The following PDE7A variants were observed in gnomAD, a reference collection of about 807,000 sequenced individuals.
PDE7A encodes phosphodiesterase 7A, also known as high affinity 3',5'-cyclic-AMP phosphodiesterase 7A.
In PDE7A, 39 loss-of-function variants were observed where a neutral mutation model predicts 64.3. The observed-to-expected ratio is 0.61, with a 90% CI of 0.47 to 0.79. The LOEUF (loss-of-function observed/expected upper bound fraction) is 0.79. Ranked by LOEUF, PDE7A falls within the 30% of genes least tolerant of loss-of-function variation. The pLI is 0.00. For missense variants in PDE7A, 470 were observed against 582.8 expected (o/e 0.81, Z 1.99); for synonymous variants, 203 against 206.8 (o/e 0.98, Z 0.16).
chr8:65,791,045 C>T (rs191878810), intron 1 of PDE7A, among the ~76,000 whole-genome samples: 9 of 152,338 alleles, frequency 5.9e-5, no homozygotes, highest in Middle Eastern at 3.4e-3. Flanking sequence ...CCCTTCCCAC[C>T]TTCACATTTC....
intron 1 of PDE7A, among the ~76,000 whole-genome samples, chr8:65,818,927 C>G (rs1027247136): frequency 6.6e-6 from 1 of 152,220 alleles, no homozygotes; most frequent in African/African-American, 2.4e-5. Context: ...TTCTCACTGG[C>G]AGTACCTTCA....
intron 5 of PDE7A, among the ~76,000 whole-genome samples, chr8:65,744,484 A>C (rs1807583215): frequency 6.6e-6 from 1 of 152,186 alleles, no homozygotes; most frequent in African/African-American, 2.4e-5. Flanking sequence ...GAGAATAAGA[A>C]AACATGACCC....
intron 3 of PDE7A, among the ~76,000 whole-genome samples, chr8:65,753,638 T>C (rs938725503): frequency 1.3e-5 from 2 of 152,144 alleles, no homozygotes; most frequent in Non-Finnish European, 2.9e-5. Flanking sequence ...GTCTGTTACC[T>C]CTAACTGGAT....
At chr8:65,748,857 C>T (rs574569553) in intron 3 of PDE7A, among the ~76,000 whole-genome samples, 23 of 152,254 alleles carry the variant, frequency 1.5e-4, no homozygotes, top group South Asian at 2.1e-4. Flanking sequence ...GTAGCCATGT[C>T]GAGGGTGGTA....
At chr8:65,728,248 A>G (rs957841836) in intron 7 of PDE7A, 2 of 152,236 alleles carry the variant, frequency 1.3e-5, no homozygotes, top group Non-Finnish European at 2.9e-5. Flanking sequence ...CTTATGGATT[A>G]TTATACTGAA....
intron 1 of PDE7A, among the ~76,000 whole-genome samples, 173 bp downstream of exon 1, chr8:65,841,198 G>A (rs1214013415): frequency 6.6e-6 from 1 of 152,206 alleles, no homozygotes; most frequent in Non-Finnish European, 1.5e-5. Context: ...GAGAACTGAG[G>A]GGGGACAGCC....
chr8:65,830,793 A>G (rs1036834080), intron 1 of PDE7A, among the ~76,000 whole-genome samples: 2 of 152,126 alleles, frequency 1.3e-5, no homozygotes, highest in Non-Finnish European at 2.9e-5. Flanking sequence ...ATTAAAATAA[A>G]GCACTTTTTA....
intron 1 of PDE7A, chr8:65,788,967 A>G (rs773745765): frequency 8.7e-6 from 14 of 1,609,910 alleles, no homozygotes; most frequent in Admixed American, 1.7e-5. Context: ...CCCGCTGCAT[A>G]ATCTCTCTCT....
At chr8:65,762,991 ATGTGTGTGTGTGTG>A (rs34371328) in intron 3 of PDE7A, among the ~76,000 whole-genome samples, 7,346 of 138,590 alleles carry the variant, frequency 0.053, 263 homozygotes, top group Non-Finnish European at 0.079. Context: ...TATAAAAACA[ATGTGTGTGTGTGTG>A]TGTGTGTGTG....
At chr8:65,832,067 A>G (rs1443009724) in intron 1 of PDE7A, among the ~76,000 whole-genome samples, 1 of 152,210 alleles carries the variant, frequency 6.6e-6, no homozygotes, top group Non-Finnish European at 1.5e-5. Flanking sequence ...TTTAAACACA[A>G]TTAAGATAAT....
chr8:65,750,504 C>CTGTG (rs1043866998), intron 3 of PDE7A, among the ~76,000 whole-genome samples: 1 of 143,050 alleles, frequency 7.0e-6, no homozygotes, highest in Non-Finnish European at 1.5e-5. Context: ...GTGTGTGTGT[C>CTGTG]TGTGTGTGTC....
intron 2 of PDE7A, chr8:65,780,883 C>T (rs774194577): frequency 2.0e-5 from 3 of 152,254 alleles, no homozygotes; most frequent in African/African-American, 7.2e-5. Flanking sequence ...CTCCAAGGCT[C>T]ACTTCATCGA....
intron 1 of PDE7A, among the ~76,000 whole-genome samples, chr8:65,793,211 A>G (rs1290670992): frequency 1.3e-5 from 2 of 152,168 alleles, no homozygotes; most frequent in African/African-American, 4.8e-5. Flanking sequence ...AATTCTTCAA[A>G]CTAGTGGAAG....
intron 3 of PDE7A, among the ~76,000 whole-genome samples, chr8:65,751,578 C>T (rs572679226): frequency 6.6e-5 from 10 of 152,134 alleles, no homozygotes; most frequent in South Asian, 2.1e-4. Context: ...CCGCAACCTC[C>T]GCCTCCGGGG....
chr8:65,756,921 T>G (rs79037298), intron 3 of PDE7A, among the ~76,000 whole-genome samples: 1 of 152,032 alleles, frequency 6.6e-6, no homozygotes, highest in Non-Finnish European at 1.5e-5. Flanking sequence ...TGCTGGCTTA[T>G]GATAAAGGGT....
chr8:65,778,471 G>C (rs1809319411), intron 3 of PDE7A, among the ~76,000 whole-genome samples: 1 of 152,158 alleles, frequency 6.6e-6, no homozygotes, highest in Non-Finnish European at 1.5e-5. Flanking sequence ...TTTTTAAGCT[G>C]TCTGAACCAT....
At chr8:65,738,730 G>A (rs1807263088) in intron 6 of PDE7A, among the ~76,000 whole-genome samples, 1 of 152,192 alleles carries the variant, frequency 6.6e-6, no homozygotes, top group South Asian at 2.1e-4. Flanking sequence ...ACCACACCTG[G>A]CCCCAAATAA....
rs1166197976 is a variant in PDE7A, at chr8:65,739,587, T to A, written c.510A>T (p.Leu170=). 1 of 1,527,822 alleles carries A rather than the reference T, an allele frequency of 6.5e-7. No individual in the cohort carries two copies. The highest frequency in any genetic ancestry group is 8.7e-7 in the Non-Finnish European group (1 of 1,143,766). 94.6% of individuals were successfully genotyped at this position (1,527,822 alleles called of 1,614,324 possible). A position where few individuals can be genotyped will look rare whatever the true frequency, so the allele number is the denominator to read the frequency against. The change falls in exon 6 of 13, where the codon CTA becomes CTT. Residue 170 remains leucine (L), a synonymous_variant. Coordinates refer to ENST00000401827, the MANE Select transcript of PDE7A (RefSeq NM_001242318.3). ...TAAATAAATGAAAGGTTAAGCTTAC[T>A]AGACTATTTCCTAAAAAGAAAGAAG... is the stretch of plus-strand genomic sequence containing the variant. ...LFDRLTNGNS[L]VSLTFHLFSL...
At chr8:65,744,208 TACAAA>T (rs140231902) in intron 5 of PDE7A, among the ~76,000 whole-genome samples, 8,386 of 151,564 alleles carry the variant, frequency 0.055, 303 homozygotes, top group Non-Finnish European at 0.082. Context: ...TTAGTTGTGT[TACAAA>T]ACAAAACAAA....
Sources: gnomAD v4.1 joint callset for allele counts (sites outside exome capture counted in the v4.1 genomes callset) on GRCh38, gnomAD v4.1.1 for gene constraint, MANE v1.5 for transcripts, NCBI Gene and HGNC (gene_info 2026-07-23, HGNC 2026-07-21) for gene names.